INPP4B: variants seen among roughly 807,000 people sequenced by gnomAD.
INPP4B encodes inositol polyphosphate-4-phosphatase type II B.
In INPP4B, 55 loss-of-function variants were observed where a neutral mutation model predicts 122.5. That is an observed-to-expected ratio of 0.45 (90% CI 0.36 to 0.56). INPP4B has a LOEUF of 0.56. Among genes scored for constraint, INPP4B ranks in the 20% least tolerant of loss-of-function variants. The probability of loss-of-function intolerance (pLI) is 0.00; values close to 1 mark genes in which losing one functional copy is unlikely to be tolerated. For missense variants in INPP4B, 1,000 were observed against 1,097.7 expected (o/e 0.91, Z 1.26); for synonymous variants, 403 against 388.7 (o/e 1.04, Z -0.43).
intron 19 of INPP4B, among the ~76,000 whole-genome samples, chr4:142,123,919 A>C (rs1797623267): frequency 6.6e-6 from 1 of 152,106 alleles, no homozygotes; most frequent in Non-Finnish European, 1.5e-5. Context: ...CCCTTTTCCT[A>C]GAATGTTTAG....
intron 11 of INPP4B, among the ~76,000 whole-genome samples, chr4:142,241,261 G>C (rs888899823): frequency 2.6e-5 from 4 of 151,752 alleles, no homozygotes; most frequent in African/African-American, 9.7e-5. Flanking sequence ...CCATACAATT[G>C]CTAAAAATAT....
At chr4:142,527,678 AT>A (rs1293819587) in intron 2 of INPP4B, among the ~76,000 whole-genome samples, 1 of 152,032 alleles carries the variant, frequency 6.6e-6, no homozygotes, top group Non-Finnish European at 1.5e-5. Flanking sequence ...GGGATAGGAA[AT>A]TAACAATTCA....
At chr4:142,568,430 T>C (rs1732113060) in intron 2 of INPP4B, among the ~76,000 whole-genome samples, 1 of 152,144 alleles carries the variant, frequency 6.6e-6, no homozygotes, top group Non-Finnish European at 1.5e-5. Context: ...ACAAATAGGA[T>C]TTAGAAATGT....
intron 1 of INPP4B, among the ~76,000 whole-genome samples, chr4:142,831,329 CT>C (rs1258052728): frequency 8.5e-5 from 13 of 152,286 alleles, no homozygotes; most frequent in African/African-American, 2.9e-4. Context: ...CCAGATATGG[CT>C]TTGCTTTAGT....
At chr4:142,322,318 T>G (rs1327900498) in intron 7 of INPP4B, among the ~76,000 whole-genome samples, 1 of 152,230 alleles carries the variant, frequency 6.6e-6, no homozygotes, top group African/African-American at 2.4e-5. Flanking sequence ...AAATTATATC[T>G]GAAATATTCC....
rs1186177293 is a variant in INPP4B, at chr4:142,545,757, A to ATATGTG, written c.-190-83032_-190-83031insCACATA. Among the ~76,000 whole-genome samples the ATATGTG allele has an allele frequency of 4.1e-3, 349 of 84,836 alleles. 3 individuals carry two copies. Among genetic ancestry groups the ATATGTG allele is most frequent in the South Asian group, 8.5e-3 (22 of 2,594 alleles). The allele number at this position is 84,836 out of a possible 152,430, so 55.7% of individuals were successfully genotyped here. A position where few individuals can be genotyped will look rare whatever the true frequency, so the allele number is the denominator to read the frequency against. On this transcript the variant is annotated intron_variant, in intron 2 of 25. Coordinates refer to ENST00000262992, the MANE Select transcript of INPP4B (RefSeq NM_001101669.3). ...CACATATATGTGTATATATATACACATGTATATGTGTGTATATATATACAC... is the reference window on the plus strand; with the variant it reads ...CACATATATGTGTATATATATACACATATGTGTGTATATGTGTGTATATATATACAC...
At chr4:142,753,832 C>G (rs77790475) in intron 1 of INPP4B, among the ~76,000 whole-genome samples, 4,549 of 152,038 alleles carry the variant, frequency 0.03, 83 homozygotes, top group Non-Finnish European at 0.041. Context: ...GTGCAAATTA[C>G]TACAAAAAGC....
At chr4:142,390,076 GCT>G (rs1797184178) in intron 7 of INPP4B, among the ~76,000 whole-genome samples, 1 of 152,100 alleles carries the variant, frequency 6.6e-6, no homozygotes, top group Non-Finnish European at 1.5e-5. Flanking sequence ...GCACTGATCT[GCT>G]CTTTCACAGG....
At chr4:142,459,110 GC>G (rs1362293918) in intron 3 of INPP4B, among the ~76,000 whole-genome samples, 1 of 152,176 alleles carries the variant, frequency 6.6e-6, no homozygotes, top group Non-Finnish European at 1.5e-5. Context: ...GAAGCTGCAA[GC>G]TTTGCCAGTG....
intron 3 of INPP4B, among the ~76,000 whole-genome samples, chr4:142,442,182 G>T (rs939247027): frequency 1.3e-5 from 2 of 152,052 alleles, no homozygotes; most frequent in Admixed American, 6.6e-5. Flanking sequence ...GGAGGCTGAG[G>T]TGGGTGGATC....
intron 2 of INPP4B, among the ~76,000 whole-genome samples, chr4:142,638,700 C>G (rs1749715457): frequency 6.6e-6 from 1 of 152,046 alleles, no homozygotes; most frequent in South Asian, 2.1e-4. Flanking sequence ...TGCCCGCCAC[C>G]ATGTCCGGCT....
chr4:142,470,625 C>G (rs1468541519), intron 2 of INPP4B, among the ~76,000 whole-genome samples: 1 of 152,150 alleles, frequency 6.6e-6, no homozygotes, highest in Non-Finnish European at 1.5e-5. Flanking sequence ...AAACGACTGT[C>G]AAATATTTAT....
At chr4:142,182,172 C>A (rs1263885129) in intron 15 of INPP4B, among the ~76,000 whole-genome samples, 1 of 152,128 alleles carries the variant, frequency 6.6e-6, no homozygotes, top group Non-Finnish European at 1.5e-5. Flanking sequence ...ATTGGTGACT[C>A]AATCGTTGGT....
intron 1 of INPP4B, among the ~76,000 whole-genome samples, chr4:142,766,160 A>G (rs949070559): frequency 1.3e-5 from 2 of 152,140 alleles, no homozygotes; most frequent in African/African-American, 4.8e-5. Context: ...TTTTATTTAT[A>G]TTGTACAACA....
At chr4:142,763,015 C>T (rs1771574889) in intron 1 of INPP4B, among the ~76,000 whole-genome samples, 1 of 152,158 alleles carries the variant, frequency 6.6e-6, no homozygotes. Context: ...CCTCACCAAA[C>T]ACCGAATCTA....
intron 1 of INPP4B, among the ~76,000 whole-genome samples, chr4:142,824,450 C>T (rs1177005963): frequency 3.3e-5 from 5 of 152,046 alleles, no homozygotes; most frequent in Non-Finnish European, 7.4e-5. Flanking sequence ...CATTCTATAA[C>T]AGGCCAAGAG....
intron 23 of INPP4B, among the ~76,000 whole-genome samples, chr4:142,096,664 G>T (rs1474098890): frequency 6.6e-6 from 1 of 152,006 alleles, no homozygotes; most frequent in Non-Finnish European, 1.5e-5. Context: ...TGCTAAAAAA[G>T]CATTAAAAAC....
intron 15 of INPP4B, among the ~76,000 whole-genome samples, chr4:142,189,673 C>A (rs932271755): frequency 6.6e-6 from 1 of 151,876 alleles, no homozygotes; most frequent in Non-Finnish European, 1.5e-5. Flanking sequence ...ATGAGGAGAA[C>A]AGAATAAAAG....
intron 2 of INPP4B, among the ~76,000 whole-genome samples, chr4:142,525,829 GCAAGGACTT>G (rs1826836697): frequency 6.7e-6 from 1 of 149,204 alleles, no homozygotes; most frequent in African/African-American, 2.5e-5. Flanking sequence ...ATAGGCATGG[GCAAGGACTT>G]CATGTCTAAA....
Sources: gnomAD v4.1 joint callset for allele counts (sites outside exome capture counted in the v4.1 genomes callset) on GRCh38, gnomAD v4.1.1 for gene constraint, MANE v1.5 for transcripts, NCBI Gene and HGNC (gene_info 2026-07-23, HGNC 2026-07-21) for gene names.